Variants in CACNA2D3 observed in about 807,000 individuals in gnomAD.
The protein encoded by CACNA2D3 is calcium voltage-gated channel auxiliary subunit alpha2delta 3, also known as voltage-dependent calcium channel subunit alpha-2/delta-3.
CACNA2D3 carries 60 observed loss-of-function variants against 160.6 expected under a neutral mutation model. That is an observed-to-expected ratio of 0.37 (90% CI 0.30 to 0.46). CACNA2D3 has a LOEUF of 0.46. Among genes scored for constraint, CACNA2D3 ranks in the 20% least tolerant of loss-of-function variants. The probability of loss-of-function intolerance (pLI) is 1.00; values close to 1 mark genes in which losing one functional copy is unlikely to be tolerated. For synonymous variants in CACNA2D3, 558 were observed against 492.9 expected, an observed-to-expected ratio of 1.13 and a Z score of -1.75; for missense variants, 1,205 against 1,365.0, an observed-to-expected ratio of 0.88 and a Z score of 1.85.
chr3:54,626,189 G>C, intron 9 of CACNA2D3: 1 of 745,636 alleles, frequency 1.3e-6, no homozygotes, highest in Non-Finnish European at 2.4e-6. Flanking sequence ...GCGGACCAGA[G>C]AGCTCTTTTC....
intron 5 of CACNA2D3, among the ~76,000 whole-genome samples, chr3:54,547,385 CAA>C (rs1702081414): frequency 6.6e-6 from 1 of 152,116 alleles, no homozygotes; most frequent in African/African-American, 2.4e-5. Context: ...CACCTCAGCA[CAA>C]AATTGGCTCC....
intron 17 of CACNA2D3, 38 bp from the exon 18 acceptor site, chr3:54,871,500 CT>C (rs753972553): frequency 6.8e-5 from 103 of 1,523,888 alleles, no homozygotes; most frequent in South Asian, 1.1e-5. Context: ...ACTTCACGGA[CT>C]TTTGTTTTTC....
chr3:54,802,125 C>T (rs535420092), intron 13 of CACNA2D3, among the ~76,000 whole-genome samples: 113 of 152,310 alleles, frequency 7.4e-4, no homozygotes, highest in Non-Finnish European at 1.2e-3. Context: ...TCCTCCTCCT[C>T]CTCTTTCAAC....
rs1702895336 is a variant in CACNA2D3, at chr3:54,282,118, A to G, written c.205-38324A>G. Among the ~76,000 whole-genome samples, 4 of 152,232 alleles carry G rather than the reference A, an allele frequency of 2.6e-5. No individual in the cohort carries two copies. In the South Asian group the frequency reaches 8.3e-4, roughly 32 times the overall value. On this transcript the variant is annotated intron_variant, in intron 2 of 37. Coordinates refer to ENST00000474759, the MANE Select transcript of CACNA2D3 (RefSeq NM_018398.3). ...AAGGCACTTCTTCATAAAATGGAAAACATATGACAGAATTCCAGTTTGTTA... is the reference window on the plus strand; with the variant it reads ...AAGGCACTTCTTCATAAAATGGAAAGCATATGACAGAATTCCAGTTTGTTA...
chr3:54,221,670 T>C (rs1420226220), intron 2 of CACNA2D3, among the ~76,000 whole-genome samples: 1 of 152,222 alleles, frequency 6.6e-6, no homozygotes, highest in African/African-American at 2.4e-5. Flanking sequence ...CTAAAGTCTT[T>C]CATACAAATT....
At chr3:54,873,532 A>G (rs1416775962) in intron 18 of CACNA2D3, among the ~76,000 whole-genome samples, 3 of 151,948 alleles carry the variant, frequency 2.0e-5, no homozygotes, top group Non-Finnish European at 4.4e-5. Context: ...TCCTTTAGTA[A>G]TCACAGTTTG....
chr3:54,500,219 C>T (rs1326503335), intron 4 of CACNA2D3, among the ~76,000 whole-genome samples: 1 of 152,170 alleles, frequency 6.6e-6, no homozygotes, highest in Non-Finnish European at 1.5e-5. Context: ...ACTACCCTCA[C>T]TTTCTTTTGA....
intron 13 of CACNA2D3, among the ~76,000 whole-genome samples, chr3:54,771,092 C>G (rs1218539103): frequency 6.6e-6 from 1 of 152,042 alleles, no homozygotes; most frequent in Non-Finnish European, 1.5e-5. Flanking sequence ...GGGTTAGTGT[C>G]TGCTTTTTCT....
chr3:54,774,377 A>G (rs1702381043), intron 13 of CACNA2D3, among the ~76,000 whole-genome samples: 1 of 152,152 alleles, frequency 6.6e-6, no homozygotes, highest in South Asian at 2.1e-4. Flanking sequence ...GGCATGTCCT[A>G]TATGACTGGA....
intron 2 of CACNA2D3, among the ~76,000 whole-genome samples, chr3:54,128,141 G>A (rs1433574111): frequency 6.6e-6 from 1 of 152,098 alleles, no homozygotes; most frequent in African/African-American, 2.4e-5. Flanking sequence ...TGATTGATTA[G>A]CATGGTGATC....
chr3:54,501,317 A>G (rs146647511), intron 4 of CACNA2D3, among the ~76,000 whole-genome samples: 160 of 152,222 alleles, frequency 1.1e-3, no homozygotes, highest in African/African-American at 3.8e-3. Context: ...ATTTATTACT[A>G]TTATTATTTT....
At chr3:54,453,005 T>C (rs1700335438) in intron 4 of CACNA2D3, among the ~76,000 whole-genome samples, 1 of 152,122 alleles carries the variant, frequency 6.6e-6, no homozygotes, top group East Asian at 1.9e-4. Flanking sequence ...TTCTCCTCTT[T>C]CTTTCTGACA....
chr3:54,123,996 G>T (rs1699535232), intron 2 of CACNA2D3, among the ~76,000 whole-genome samples: 3 of 152,110 alleles, frequency 2.0e-5, no homozygotes. Context: ...TGGAGGCGTG[G>T]GGTTCAGTGT....
intron 9 of CACNA2D3, among the ~76,000 whole-genome samples, chr3:54,597,160 T>G (rs143911670): frequency 1.3e-5 from 2 of 152,348 alleles, no homozygotes; most frequent in East Asian, 3.9e-4. Context: ...TCTAACCTTC[T>G]TTCATTAGGG....
intron 2 of CACNA2D3, among the ~76,000 whole-genome samples, chr3:54,199,556 A>G (rs1367341663): frequency 6.6e-6 from 1 of 151,540 alleles, no homozygotes; most frequent in Non-Finnish European, 1.5e-5. Flanking sequence ...TTTTTTTTGT[A>G]GAGACAGGGT....
chr3:54,363,428 G>A (rs1559461274), intron 3 of CACNA2D3, among the ~76,000 whole-genome samples: 1 of 152,086 alleles, frequency 6.6e-6, no homozygotes, highest in Non-Finnish European at 1.5e-5. Flanking sequence ...GTATAGGATC[G>A]ACCTGGGGAA....
intron 27 of CACNA2D3, among the ~76,000 whole-genome samples, chr3:54,958,957 G>A (rs994332230): frequency 6.6e-6 from 1 of 151,860 alleles, no homozygotes; most frequent in Admixed American, 6.6e-5. Flanking sequence ...CACAAAAATT[G>A]AGGCATGGTG....
At chr3:55,024,512 A>T (rs1703523796) in intron 35 of CACNA2D3, among the ~76,000 whole-genome samples, 1 of 152,104 alleles carries the variant, frequency 6.6e-6, no homozygotes, top group African/African-American at 2.4e-5. Context: ...TAGTGCCCTT[A>T]TAAAATAAGT....
intron 2 of CACNA2D3, among the ~76,000 whole-genome samples, chr3:54,281,888 C>A (rs1702888830): frequency 6.6e-6 from 1 of 152,166 alleles, no homozygotes; most frequent in Non-Finnish European, 1.5e-5. Context: ...GGAGTTAACA[C>A]TGCTCAGCAG....
Sources: allele counts gnomAD v4.1 joint callset (sites outside exome capture counted in the v4.1 genomes callset), GRCh38; gene constraint gnomAD v4.1.1; transcripts MANE v1.5; gene names NCBI Gene and HGNC (gene_info 2026-07-23, HGNC 2026-07-21).